The following RNF216 variants were observed in gnomAD, a reference collection of about 807,000 sequenced individuals.
The protein encoded by RNF216 is ring finger protein 216.
RNF216 carries 72 observed loss-of-function variants against 110.8 expected under a neutral mutation model. The ratio of observed to expected loss-of-function variants is 0.65; its 90% CI spans 0.54 to 0.79. The LOEUF is 0.79. Among genes scored for constraint, RNF216 ranks in the 30% least tolerant of loss-of-function variants. The probability of loss-of-function intolerance (pLI) is 0.00; values close to 1 mark genes in which losing one functional copy is unlikely to be tolerated. For missense variants in RNF216, 1,342 were observed against 1,141.2 expected (o/e 1.18, Z -2.54); for synonymous variants, 495 against 407.5 (o/e 1.21, Z -2.59).
At chr7:5,669,958 G>A (rs867358423) in intron 13 of RNF216, among the ~76,000 whole-genome samples, 1 of 149,898 alleles carries the variant, frequency 6.7e-6, no homozygotes, top group Non-Finnish European at 1.5e-5. Flanking sequence ...ATGGAGTCTC[G>A]CTCTGCCACC....
chr7:5,635,721 T>C (rs1253241020), intron 15 of RNF216, among the ~76,000 whole-genome samples: 1 of 152,214 alleles, frequency 6.6e-6, no homozygotes, highest in African/African-American at 2.4e-5. Flanking sequence ...TACCATTTAC[T>C]GGCCACAGTC....
intron 14 of RNF216, among the ~76,000 whole-genome samples, chr7:5,646,668 G>A (rs139348090): frequency 0.042 from 6,328 of 151,584 alleles, 176 homozygotes; most frequent in East Asian, 0.091. Context: ...ACTCCAGCCT[G>A]GCGACAGAGC....
At chr7:5,710,052 A>C (rs1291860323) in intron 13 of RNF216, among the ~76,000 whole-genome samples, 2 of 152,194 alleles carry the variant, frequency 1.3e-5, no homozygotes, top group Non-Finnish European at 2.9e-5. Context: ...CTGGGCAACC[A>C]ATGCAGCTGC....
Position 5,729,569 on chromosome 7 carries a change from A to G in RNF216, c.1252T>C (p.Ser418Pro). Reference protein sequence around the residue: ...KLPKIDFFDYSKLTPLDQRCF... With the variant: ...KLPKIDFFDYPKLTPLDQRCF... ...CGCTGGTCAAGAGGGGTCAATTTAG[A>G]ATAGTCAAAAAAGTCTATTTTAGGC... Residue 418 changes from serine (S) to proline (P), a missense_variant, in exon 7 of 17, where the codon TCT becomes CCT. Transcript: ENST00000389902. 1 of 1,614,194 alleles carries G rather than the reference A, an allele frequency of 6.2e-7. No individual in the cohort carries two copies. Among genetic ancestry groups the G allele is most frequent in the Non-Finnish European group, 8.5e-7 (1 of 1,180,010 alleles).
At chr7:5,654,739 T>TG (rs1426564198) in intron 13 of RNF216, among the ~76,000 whole-genome samples, 11 of 57,374 alleles carry the variant, frequency 1.9e-4, no homozygotes, top group African/African-American at 7.2e-4. Context: ...CTAGGGTGGG[T>TG]GGGGCAGAGA....
intron 1 of RNF216, among the ~76,000 whole-genome samples, chr7:5,780,714 G>C (rs1000159605): frequency 2.0e-5 from 3 of 150,368 alleles, no homozygotes; most frequent in African/African-American, 7.3e-5. Context: ...CAAAGAAAAG[G>C]AGAAAAAAAA....
chr7:5,703,870 A>G, intron 13 of RNF216, among the ~76,000 whole-genome samples: 1 of 152,332 alleles, frequency 6.6e-6, no homozygotes, highest in East Asian at 1.9e-4. Context: ...TGAGTTTATA[A>G]AGCAAAGTTA....
In RNF216 at chr7:5,776,899, CAA is replaced by C. The variant is rs754872404; in HGVS notation, c.-70+4640_-70+4641del. ...CTGTGCGACAGAGGGAGACTCTGTCCAAAAAAAAAAAAAAAAAAGAGAGAGAG... is the reference window on the plus strand; with the variant it reads ...CTGTGCGACAGAGGGAGACTCTGTCCAAAAAAAAAAAAAAAAGAGAGAGAG... On this transcript the variant is annotated intron_variant, in intron 1 of 16. Coordinates refer to ENST00000389902, the MANE Select transcript of RNF216 (RefSeq NM_207111.4). Among the ~76,000 whole-genome samples the C allele has an allele frequency of 3.0e-3, 247 of 83,586 alleles. 1 individual carries two copies. The highest frequency in any genetic ancestry group is 5.9e-3 in the South Asian group (12 of 2,038). The allele number at this position is 83,586 out of a possible 152,430, so 54.8% of individuals were successfully genotyped here.
At chr7:5,728,086 T>G (rs1323238299) in intron 7 of RNF216, among the ~76,000 whole-genome samples, 1 of 152,142 alleles carries the variant, frequency 6.6e-6, no homozygotes, top group Non-Finnish European at 1.5e-5. Flanking sequence ...AATTCGTGAT[T>G]ATTTCTCTCC....
chr7:5,693,490 T>C (rs573012876), intron 13 of RNF216, among the ~76,000 whole-genome samples: 28 of 152,228 alleles, frequency 1.8e-4, no homozygotes, highest in African/African-American at 6.5e-4. Context: ...AAAATTAAAC[T>C]CCTTTAATGC....
chr7:5,780,818 G>A (rs1382279886), intron 1 of RNF216, among the ~76,000 whole-genome samples: 2 of 152,190 alleles, frequency 1.3e-5, no homozygotes, highest in South Asian at 2.1e-4. Flanking sequence ...AGCCCTGTCG[G>A]ATTTGTCAGA....
intron 13 of RNF216, among the ~76,000 whole-genome samples, chr7:5,676,067 T>G (rs1790271155): frequency 6.6e-6 from 1 of 151,688 alleles, no homozygotes. Flanking sequence ...CAGGCTAGAG[T>G]GCAACGCGAT....
At chr7:5,697,500 C>A (rs930786547) in intron 13 of RNF216, among the ~76,000 whole-genome samples, 10 of 152,212 alleles carry the variant, frequency 6.6e-5, no homozygotes, top group Non-Finnish European at 1.3e-4. Flanking sequence ...AGGGGCCAAA[C>A]CCTCATTGGC....
At position 5,779,502 on chromosome 7, in the gene RNF216, G is replaced by A. The variant is rs529365491; in HGVS notation, c.-70+2039C>T. ...CCTTAAAGCAAGCCGACTAAATTGA[G>A]ATGTTTCATAGAATCTTCCCGCTTC... On this transcript the variant is annotated intron_variant, in intron 1 of 16. Coordinates refer to ENST00000389902, the MANE Select transcript of RNF216 (RefSeq NM_207111.4). Among the ~76,000 whole-genome samples, 59 of 152,120 alleles carry A rather than the reference G, an allele frequency of 3.9e-4. No individual in the cohort carries two copies. The South Asian group carries it at 4.1e-3, about 11-fold the overall frequency.
chr7:5,669,271 G>T (rs1047959186), intron 13 of RNF216, among the ~76,000 whole-genome samples: 6 of 152,182 alleles, frequency 3.9e-5, no homozygotes, highest in Non-Finnish European at 5.9e-5. Context: ...GACCTCTTTT[G>T]ATCCAGGTCT....
chr7:5,645,909 A>G (rs1788023044), intron 14 of RNF216, among the ~76,000 whole-genome samples: 2 of 152,176 alleles, frequency 1.3e-5, no homozygotes, highest in African/African-American at 4.8e-5. Flanking sequence ...ATTTCTATCT[A>G]TACTCTCTAC....
intron 5 of RNF216, among the ~76,000 whole-genome samples, chr7:5,738,940 A>G (rs1562447538): frequency 6.6e-6 from 1 of 152,306 alleles, no homozygotes; most frequent in East Asian, 1.9e-4. Flanking sequence ...CAAGGTCATT[A>G]AAAAAGACAT....
At chr7:5,687,596 T>C (rs1463675058) in intron 13 of RNF216, among the ~76,000 whole-genome samples, 1 of 152,030 alleles carries the variant, frequency 6.6e-6, no homozygotes, top group Non-Finnish European at 1.5e-5. Flanking sequence ...GTGACAAGCC[T>C]CTCTGCCTGC....
At chr7:5,663,396 C>G (rs142450156) in intron 13 of RNF216, among the ~76,000 whole-genome samples, 2 of 151,596 alleles carry the variant, frequency 1.3e-5, no homozygotes, top group Non-Finnish European at 2.9e-5. Flanking sequence ...CTGGCTAACA[C>G]GGTGAAACCC....
Sources: gnomAD v4.1 joint callset for allele counts (sites outside exome capture counted in the v4.1 genomes callset) on GRCh38, gnomAD v4.1.1 for gene constraint, MANE v1.5 for transcripts, NCBI Gene and HGNC (gene_info 2026-07-23, HGNC 2026-07-21) for gene names.